COLEC10: variants seen among roughly 807,000 people sequenced by gnomAD.
COLEC10 encodes collectin-10.
In COLEC10, 22 loss-of-function variants were observed where a neutral mutation model predicts 28.4. The ratio of observed to expected loss-of-function variants is 0.78; its 90% confidence interval spans 0.55 to 1.11. The LOEUF (loss-of-function observed/expected upper bound fraction) is 1.11, where lower values mean the gene tolerates loss of function less well. Among genes scored for constraint, COLEC10 ranks in the 50% least tolerant of loss-of-function variants. The pLI is 0.00. For missense variants in COLEC10, 361 were observed against 344.1 expected, an observed-to-expected ratio of 1.05 and a Z score of -0.39; for synonymous variants, 125 against 116.1, an observed-to-expected ratio of 1.08 and a Z score of -0.49.
intron 1 of COLEC10, among the ~76,000 whole-genome samples, chr8:119,081,835 T>G (rs932026651): frequency 6.6e-6 from 1 of 152,146 alleles, no homozygotes; most frequent in African/African-American, 2.4e-5. Flanking sequence ...AATTGGATAG[T>G]AGAATGGTGG....
the COLEC10 span, among the ~76,000 whole-genome samples, chr8:118,969,477 A>G: frequency 6.6e-6 from 1 of 152,026 alleles, no homozygotes; most frequent in East Asian, 1.9e-4. Flanking sequence ...AGTTGCTAAC[A>G]TCTGCCAGGC....
At chr8:119,000,058 A>G (rs1183556928) in intron 1 of COLEC10, among the ~76,000 whole-genome samples, 2 of 152,200 alleles carry the variant, frequency 1.3e-5, no homozygotes, top group Non-Finnish European at 2.9e-5. Context: ...GCAAAAAAGA[A>G]AGAGCATAGT....
chr8:118,962,104 G>T, the COLEC10 span, among the ~76,000 whole-genome samples: 2 of 152,158 alleles, frequency 1.3e-5, no homozygotes, highest in Non-Finnish European at 2.9e-5. Flanking sequence ...TGAAACATTT[G>T]CAGTCTCTTT....
intron 1 of COLEC10, among the ~76,000 whole-genome samples, chr8:119,087,500 T>TA (rs2130272991): frequency 6.6e-6 from 1 of 152,270 alleles, no homozygotes; most frequent in African/African-American, 2.4e-5. Context: ...TCAGATAAGT[T>TA]AAAGGACTTC....
chr8:119,096,112 A>C (rs887773275), intron 3 of COLEC10, among the ~76,000 whole-genome samples: 2 of 152,200 alleles, frequency 1.3e-5, no homozygotes, highest in African/African-American at 2.4e-5. Flanking sequence ...TCAATGGTTT[A>C]TAGATCTAAA....
the COLEC10 span, among the ~76,000 whole-genome samples, chr8:118,974,724 C>G: frequency 6.6e-6 from 1 of 152,024 alleles, no homozygotes; most frequent in Non-Finnish European, 1.5e-5. Context: ...GCCAAAGACT[C>G]AACTCTGCAC....
intron 1 of COLEC10, 67 bp downstream of exon 1, chr8:119,067,496 T>C: frequency 7.0e-7 from 1 of 1,435,918 alleles, no homozygotes; most frequent in African/African-American, 1.4e-5. Flanking sequence ...TCTGAACCCC[T>C]TCCTAGATTT....
chr8:119,076,242 T>A (rs1335034954), intron 1 of COLEC10, among the ~76,000 whole-genome samples: 2 of 140,504 alleles, frequency 1.4e-5, no homozygotes, highest in African/African-American at 5.6e-5. Flanking sequence ...ACAGGATAGA[T>A]GTGCTGAGGA....
chr8:119,063,655 C>T (rs1004777374), upstream of COLEC10, among the ~76,000 whole-genome samples: 1 of 150,694 alleles, frequency 6.6e-6, no homozygotes, highest in African/African-American at 2.4e-5. Context: ...CCTTTTGTCA[C>T]GTAAGGTCAT....
chr8:119,021,612 G>A (rs930844003), intron 2 of COLEC10, among the ~76,000 whole-genome samples: 6 of 152,126 alleles, frequency 3.9e-5, no homozygotes, highest in Admixed American at 1.3e-4. Flanking sequence ...TGAACTTACT[G>A]AGCAACACCA....
chr8:119,100,992 T>C (rs1334763855), intron 3 of COLEC10, among the ~76,000 whole-genome samples: 1 of 152,114 alleles, frequency 6.6e-6, no homozygotes, highest in Non-Finnish European at 1.5e-5. Context: ...CAAAAGTAAC[T>C]ATGTAAGGAA....
chr8:119,038,900 T>C (rs1168524917), intron 2 of COLEC10, among the ~76,000 whole-genome samples: 2 of 152,226 alleles, frequency 1.3e-5, no homozygotes, highest in South Asian at 4.1e-4. Flanking sequence ...ATTAGCCTTT[T>C]TTTGAAATTT....
chr8:119,036,065 A>G (rs1188659178), intron 2 of COLEC10, among the ~76,000 whole-genome samples: 3 of 152,166 alleles, frequency 2.0e-5, no homozygotes, highest in Admixed American at 6.5e-5. Flanking sequence ...TTTTATATTT[A>G]ATAAAATTAA....
chr8:119,005,266 C>A (rs1279310598), intron 1 of COLEC10, among the ~76,000 whole-genome samples: 1 of 152,114 alleles, frequency 6.6e-6, no homozygotes, highest in South Asian at 2.1e-4. Context: ...CTCAACCTAA[C>A]TCTAACCCAT....
At chr8:118,962,274 C>T in the COLEC10 span, among the ~76,000 whole-genome samples, 3 of 152,248 alleles carry the variant, frequency 2.0e-5, no homozygotes, top group Non-Finnish European at 4.4e-5. Flanking sequence ...CCTGTGTATT[C>T]CAGGGAGGAA....
chr8:119,060,956 C>T (rs1814844971), intron 2 of COLEC10, among the ~76,000 whole-genome samples: 1 of 151,552 alleles, frequency 6.6e-6, no homozygotes, highest in Admixed American at 6.6e-5. Flanking sequence ...AGTGACAATC[C>T]AAGGAACAAA....
At chr8:119,054,241 A>G (rs1182165680) in intron 2 of COLEC10, among the ~76,000 whole-genome samples, 1 of 152,030 alleles carries the variant, frequency 6.6e-6, no homozygotes, top group African/African-American at 2.4e-5. Flanking sequence ...AAAACCTATG[A>G]ATTGCTTATT....
the COLEC10 span, among the ~76,000 whole-genome samples, chr8:118,984,429 C>T: frequency 6.6e-6 from 1 of 151,998 alleles, no homozygotes; most frequent in Non-Finnish European, 1.5e-5. Context: ...TAACACACCC[C>T]CATGACATGA....
At chr8:119,081,792 G>A (rs995054669) in intron 1 of COLEC10, among the ~76,000 whole-genome samples, 4 of 152,130 alleles carry the variant, frequency 2.6e-5, no homozygotes, top group Admixed American at 6.6e-5. Flanking sequence ...ACTTTGAAGT[G>A]GCCTATAAAC....
Sources: gnomAD v4.1 joint callset for allele counts (sites outside exome capture counted in the v4.1 genomes callset) on GRCh38, gnomAD v4.1.1 for gene constraint, MANE v1.5 for transcripts, NCBI Gene and HGNC (gene_info 2026-07-23, HGNC 2026-07-21) for gene names.